The following CDK14 variants were observed in gnomAD, a reference collection of about 807,000 sequenced individuals.
CDK14 encodes the protein cyclin dependent kinase 14.
A neutral mutation model predicts 60.7 loss-of-function variants in CDK14; 34 were observed. The observed-to-expected ratio is 0.56, with a 90% CI of 0.43 to 0.75. The LOEUF (loss-of-function observed/expected upper bound fraction) is 0.75. CDK14 is among the 30% of genes least tolerant of loss of function. CDK14 has a pLI of 0.00. For missense variants in CDK14, 482 were observed against 564.1 expected (o/e 0.85, Z 1.47); for synonymous variants, 197 against 203.7 (o/e 0.97, Z 0.28).
chr7:90,992,859 T>TA (rs1254658792), intron 10 of CDK14, among the ~76,000 whole-genome samples: 5 of 152,198 alleles, frequency 3.3e-5, no homozygotes, highest in African/African-American at 1.2e-4. Context: ...CTGTATATGT[T>TA]ACAATTCAGG....
chr7:91,091,634 A>T (rs1012360519), intron 12 of CDK14, among the ~76,000 whole-genome samples: 11 of 148,446 alleles, frequency 7.4e-5, no homozygotes, highest in Non-Finnish European at 1.2e-4. Flanking sequence ...ATACCATTGC[A>T]CTCTAGCCTG....
chr7:90,648,127 A>G (rs1340962419), intron 2 of CDK14, among the ~76,000 whole-genome samples: 1 of 151,988 alleles, frequency 6.6e-6, no homozygotes, highest in South Asian at 2.1e-4. Flanking sequence ...TTTGGGAGCA[A>G]CCTAGCTGGG....
chr7:90,833,286 C>T (rs887104456), intron 5 of CDK14, among the ~76,000 whole-genome samples: 2 of 152,142 alleles, frequency 1.3e-5, no homozygotes, highest in African/African-American at 4.8e-5. Flanking sequence ...CATGTAAAGG[C>T]TCTATGATGG....
At chr7:91,123,820 C>T (rs1303292197) in intron 14 of CDK14, among the ~76,000 whole-genome samples, 1 of 152,182 alleles carries the variant, frequency 6.6e-6, no homozygotes, top group Non-Finnish European at 1.5e-5. Context: ...AGGCTCTCAC[C>T]ACCTACTGGG....
chr7:90,863,812 ATCT>A (rs956012335), intron 6 of CDK14, among the ~76,000 whole-genome samples: 1 of 152,060 alleles, frequency 6.6e-6, no homozygotes, highest in Non-Finnish European at 1.5e-5. Flanking sequence ...CAATGTAATG[ATCT>A]TCTTATGTGA....
At chr7:91,096,991 A>T (rs1188154232) in intron 12 of CDK14, among the ~76,000 whole-genome samples, 1 of 152,194 alleles carries the variant, frequency 6.6e-6, no homozygotes, top group East Asian at 1.9e-4. Flanking sequence ...GATGTCAAAA[A>T]TTTTTTCTTT....
chr7:90,850,476 C>G (rs964842124), intron 5 of CDK14, among the ~76,000 whole-genome samples: 1 of 152,098 alleles, frequency 6.6e-6, no homozygotes. Context: ...CAGGACAACA[C>G]TGCTGAGAGA....
chr7:91,075,941 A>G (rs568492837), intron 11 of CDK14, among the ~76,000 whole-genome samples: 1 of 152,254 alleles, frequency 6.6e-6, no homozygotes, highest in Non-Finnish European at 1.5e-5. Context: ...AAGGAGAACT[A>G]CAAACCACTG....
In CDK14 at chr7:90,914,709, C is replaced by T. The variant is rs560966020; in HGVS notation, c.703-2892C>T. 7.2e-5 allele frequency among the ~76,000 whole-genome samples: 11 copies of T among 152,174 alleles called. No individual in the cohort carries two copies. In the East Asian group the frequency reaches 1.5e-3, roughly 21 times the overall value. On this transcript the variant is annotated intron_variant, in intron 7 of 14. Transcript: ENST00000380050. ...TGGCATCCTATTTGAATAGCTTCTA[C>T]GTTAGCGTGAGGATTATATATTTTC...
chr7:90,852,560 A>C (rs1452457027), intron 5 of CDK14, among the ~76,000 whole-genome samples: 1 of 152,174 alleles, frequency 6.6e-6, no homozygotes, highest in Admixed American at 6.5e-5. Flanking sequence ...AGTCTTTGCC[A>C]CCATATGGTT....
intron 3 of CDK14, 149 bp downstream of exon 3, chr7:90,726,961 A>G (rs1802659792): frequency 3.7e-6 from 3 of 818,136 alleles, no homozygotes; most frequent in Non-Finnish European, 5.7e-6. Flanking sequence ...GAAGAGAGAG[A>G]GCAAACTATA....
At chr7:91,078,592 G>A (rs557928338) in intron 11 of CDK14, among the ~76,000 whole-genome samples, 41 of 152,210 alleles carry the variant, frequency 2.7e-4, no homozygotes, top group African/African-American at 9.1e-4. Context: ...GGGCAACAGA[G>A]CAAGGCTCTG....
rs140945883 is a variant in CDK14 at position 90,955,933 on chromosome 7, G to T, written c.947+116G>T. The T allele has an allele frequency of 6.1e-4, 735 of 1,212,164 alleles. 2 individuals are homozygous for T. The highest frequency in any genetic ancestry group is 7.2e-4 in the Non-Finnish European group (622 of 861,162). The allele number at this position is 1,212,164 out of a possible 1,614,324, so 75.1% of individuals were successfully genotyped here. A position where few individuals can be genotyped will look rare whatever the true frequency, so the allele number is the denominator to read the frequency against. On this transcript the variant is annotated intron_variant, in intron 9 of 14. Transcript: ENST00000380050. ...ATTAATGGTGCAGGAGTGTTTGCCTGCATGTGGCCATGCTGCTGGATGTTT... is the reference window on the plus strand; with the variant it reads ...ATTAATGGTGCAGGAGTGTTTGCCTTCATGTGGCCATGCTGCTGGATGTTT...
chr7:90,863,670 ATGTG>A (rs111580477), intron 6 of CDK14, among the ~76,000 whole-genome samples: 14 of 145,878 alleles, frequency 9.6e-5, no homozygotes, highest in African/African-American at 2.0e-4. Context: ...TTATTAAGAT[ATGTG>A]TGTGTGTGTG....
At chr7:90,663,193 C>T (rs1800898696) in intron 2 of CDK14, among the ~76,000 whole-genome samples, 2 of 152,118 alleles carry the variant, frequency 1.3e-5, no homozygotes, top group South Asian at 4.1e-4. Context: ...TTTGGGAAAT[C>T]TCTCTCCATA....
At chr7:91,035,833 CTTTTTTTTTTTT>C (rs34091498) in intron 10 of CDK14, among the ~76,000 whole-genome samples, 1 of 99,232 alleles carries the variant, frequency 1.0e-5, no homozygotes, top group Non-Finnish European at 1.9e-5. Flanking sequence ...GCTTCATGGT[CTTTTTTTTTTTT>C]TTTTTTTTTG....
intron 14 of CDK14, among the ~76,000 whole-genome samples, chr7:91,183,213 T>G (rs1304421711): frequency 6.6e-6 from 1 of 152,194 alleles, no homozygotes; most frequent in African/African-American, 2.4e-5. Context: ...TGGTGCACAG[T>G]GGGAGGAAGG....
chr7:90,834,545 G>A (rs1164847511), intron 5 of CDK14, among the ~76,000 whole-genome samples: 2 of 152,162 alleles, frequency 1.3e-5, no homozygotes, highest in Non-Finnish European at 2.9e-5. Context: ...TGCAGCATAA[G>A]TTTTAAAAGA....
At chr7:90,728,545 A>G (rs1206774984) in intron 3 of CDK14, among the ~76,000 whole-genome samples, 3 of 152,092 alleles carry the variant, frequency 2.0e-5, no homozygotes, top group African/African-American at 4.8e-5. Flanking sequence ...TTCTATTTCA[A>G]TGAATAACAT....
Sources: gnomAD v4.1 joint callset for allele counts (sites outside exome capture counted in the v4.1 genomes callset) on GRCh38, gnomAD v4.1.1 for gene constraint, MANE v1.5 for transcripts, NCBI Gene and HGNC (gene_info 2026-07-23, HGNC 2026-07-21) for gene names.